The following NLGN4X variants were observed in gnomAD, a reference collection of about 807,000 sequenced individuals.
NLGN4X encodes neuroligin 4 X-linked, also known as neuroligin-4, X-linked.
In NLGN4X, 3 loss-of-function variants were observed where a neutral mutation model predicts 40.3. That is an observed-to-expected ratio of 0.07 (90% CI 0.03 to 0.19). The LOEUF (loss-of-function observed/expected upper bound fraction) is 0.19, where lower values mean the gene tolerates loss of function less well. Among genes scored for constraint, NLGN4X ranks in the 10% least tolerant of loss-of-function variants. The pLI is 1.00. For missense variants in NLGN4X, 382 were observed against 708.3 expected (o/e 0.54, Z 5.23); for synonymous variants, 270 against 306.8 (o/e 0.88, Z 1.25).
intron 2 of NLGN4X, among the ~76,000 whole-genome samples, chrX:6,090,473 G>T (rs1462800071): frequency 9.0e-6 from 1 of 110,912 alleles, no homozygotes; most frequent in Non-Finnish European, 1.9e-5. Context: ...GTAGACCATA[G>T]AATCAGAACA....
intron 1 of NLGN4X, among the ~76,000 whole-genome samples, chrX:6,153,648 G>A (rs1195416889): frequency 8.9e-6 from 1 of 112,280 alleles, no homozygotes; most frequent in African/African-American, 3.2e-5. Context: ...CACATTCCCT[G>A]AAACACAGAG....
chrX:5,969,575 G>A (rs937596399), intron 3 of NLGN4X, among the ~76,000 whole-genome samples: 24 of 111,291 alleles, frequency 2.2e-4, no homozygotes, highest in Non-Finnish European at 4.0e-4. Context: ...CACTGTTGGC[G>A]GGACTGTAAA....
chrX:6,166,105 CTG>C (rs2040490466), intron 1 of NLGN4X, among the ~76,000 whole-genome samples: 1 of 112,214 alleles, frequency 8.9e-6, no homozygotes, highest in Non-Finnish European at 1.9e-5. Context: ...ACACTTAACA[CTG>C]TTATCACAGA....
intron 1 of NLGN4X, among the ~76,000 whole-genome samples, chrX:6,178,276 G>T (rs1015923600): frequency 3.6e-5 from 4 of 111,918 alleles, no homozygotes; most frequent in African/African-American, 1.3e-4. Flanking sequence ...AGTAGATATT[G>T]ATTATATAAA....
At chrX:5,957,548 C>T (rs115564602) in intron 3 of NLGN4X, among the ~76,000 whole-genome samples, 1 of 112,235 alleles carries the variant, frequency 8.9e-6, no homozygotes, top group Non-Finnish European at 1.9e-5. Context: ...TCCATGTGTA[C>T]GTCAGAGCAG....
At chrX:6,082,974 T>TC (rs1569227465) in intron 2 of NLGN4X, among the ~76,000 whole-genome samples, 4 of 88,938 alleles carry the variant, frequency 4.5e-5, no homozygotes, top group African/African-American at 1.7e-4. Flanking sequence ...TTTTTTTTTT[T>TC]TTTGAGACGG....
chrX:5,925,897 T>TACATACAC (rs1287305169), intron 3 of NLGN4X, among the ~76,000 whole-genome samples: 1 of 19,144 alleles, frequency 5.2e-5, no homozygotes, highest in Non-Finnish European at 8.1e-5. Flanking sequence ...TATATATATA[T>TACATACAC]ATATATATAT....
At chrX:5,952,621 G>T (rs963727923) in intron 3 of NLGN4X, among the ~76,000 whole-genome samples, 4 of 110,860 alleles carry the variant, frequency 3.6e-5, no homozygotes, top group African/African-American at 1.3e-4. Flanking sequence ...GTATATCAAA[G>T]TTCTCTGCTA....
chrX:6,102,078 G>A (rs1407897656), intron 2 of NLGN4X, among the ~76,000 whole-genome samples: 1 of 111,226 alleles, frequency 9.0e-6, no homozygotes, highest in Non-Finnish European at 1.9e-5. Flanking sequence ...CCAAAGTGAT[G>A]GGATTACAGG....
chrX:5,979,828 ATATACACACATC>A (rs1408996302), intron 3 of NLGN4X, among the ~76,000 whole-genome samples: 9 of 105,899 alleles, frequency 8.5e-5, no homozygotes, highest in Non-Finnish European at 1.7e-4. Flanking sequence ...ATATACACAC[ATATACACACATC>A]TATACACACA....
At chrX:6,094,056 C>T (rs1485525007) in intron 2 of NLGN4X, among the ~76,000 whole-genome samples, 1 of 111,789 alleles carries the variant, frequency 8.9e-6, no homozygotes, top group Non-Finnish European at 1.9e-5. Context: ...TGTATCTCAT[C>T]ATTAGAAAAT....
In NLGN4X at chrX:5,890,529, C is replaced by T. The variant is rs1461656521; in HGVS notation, c.*2288G>A. 1.3e-5 allele frequency: 4 copies of T among 318,412 alleles called. No homozygotes were observed. Among genetic ancestry groups the T allele is most frequent in the Non-Finnish European group, 2.4e-5 (4 of 166,237 alleles). 26.2% of individuals were successfully genotyped at this position (318,412 alleles called of 1,213,427 possible). On this transcript the variant is annotated 3_prime_UTR_variant, in exon 6 of 6. Transcript: ENST00000381095. ...TAAACAAATACTGGAATTCACATTA[C>T]AGACAGACGAAACCAACATGGATGC...
chrX:5,965,690 G>A (rs1376991343), intron 3 of NLGN4X, among the ~76,000 whole-genome samples: 1 of 111,814 alleles, frequency 8.9e-6, no homozygotes, highest in Non-Finnish European at 1.9e-5. Context: ...TATGTGATAG[G>A]CATATTCTCA....
At chrX:5,966,209 T>C (rs1459461743) in intron 3 of NLGN4X, among the ~76,000 whole-genome samples, 1 of 112,362 alleles carries the variant, frequency 8.9e-6, no homozygotes, top group Non-Finnish European at 1.9e-5. Context: ...TTATGCTTCA[T>C]TGCAGTGAGA....
intron 2 of NLGN4X, among the ~76,000 whole-genome samples, chrX:6,050,396 C>G (rs2037453916): frequency 9.0e-6 from 1 of 111,092 alleles, no homozygotes; most frequent in South Asian, 3.9e-4. Context: ...GTCTATTTAC[C>G]TATCTACCTG....
chrX:6,011,555 CT>C (rs2036253579), intron 3 of NLGN4X, among the ~76,000 whole-genome samples: 1 of 110,640 alleles, frequency 9.0e-6, no homozygotes. Context: ...AAAAATATCT[CT>C]CCACCGATCA....
At chrX:5,954,634 GTCTCTCTCTCTCTCTC>G (rs200878268) in intron 3 of NLGN4X, among the ~76,000 whole-genome samples, 1 of 94,901 alleles carries the variant, frequency 1.1e-5, no homozygotes, top group Non-Finnish European at 2.1e-5. Context: ...CTCTGTCTCT[GTCTCTCTCTCTCTCTC>G]TCTCTCTCTC....
intron 3 of NLGN4X, among the ~76,000 whole-genome samples, chrX:5,992,971 C>T (rs961666520): frequency 9.0e-6 from 1 of 111,500 alleles, no homozygotes; most frequent in African/African-American, 3.3e-5. Flanking sequence ...TTGGAGAAGA[C>T]AAATATCCAA....
chrX:6,227,838 T>C (rs1306004755), intron 1 of NLGN4X: 2 of 108,757 alleles, frequency 1.8e-5, no homozygotes, highest in African/African-American at 3.4e-5. Context: ...GGAAAAAAAA[T>C]CGCTTAAATG....
Sources: gnomAD v4.1 joint callset for allele counts (sites outside exome capture counted in the v4.1 genomes callset) on GRCh38, gnomAD v4.1.1 for gene constraint, MANE v1.5 for transcripts, NCBI Gene and HGNC (gene_info 2026-07-23, HGNC 2026-07-21) for gene names.